Variants in CALCRL observed in about 807,000 individuals in gnomAD.
CALCRL encodes calcitonin receptor like receptor, also known as calcitonin gene-related peptide type 1 receptor.
A neutral mutation model predicts 60.4 loss-of-function variants in CALCRL; 27 were observed. The observed-to-expected ratio is 0.45, with a 90% CI of 0.33 to 0.62. The LOEUF (loss-of-function observed/expected upper bound fraction) is 0.62, where lower values mean the gene tolerates loss of function less well. CALCRL is among the 20% of genes least tolerant of loss of function. The pLI, the probability that CALCRL is intolerant of heterozygous loss-of-function variation, is 0.03. For synonymous variants in CALCRL, 190 were observed against 182.6 expected (o/e 1.04, Z -0.33); for missense variants, 424 against 540.7 (o/e 0.78, Z 2.14).
At chr2:187,404,580 C>T (rs1689035009) in intron 1 of CALCRL, among the ~76,000 whole-genome samples, 1 of 151,128 alleles carries the variant, frequency 6.6e-6, no homozygotes, top group African/African-American at 2.4e-5. Context: ...ATCCCATGCA[C>T]TGCTGGAGTA....
intron 8 of CALCRL, among the ~76,000 whole-genome samples, chr2:187,369,208 A>AT (rs1396351176): frequency 6.6e-6 from 1 of 152,032 alleles, no homozygotes. Context: ...TGGACAACTG[A>AT]TTTTCTACCA....
chr2:187,344,991 T>G lies in CALCRL; in HGVS notation c.*1193A>C, dbSNP rs548984581. ...AAAACAAATATATTCAATAAAATAG[T>G]GACCTTGTGTTTTTAAAATAAATAT... is the stretch of plus-strand genomic sequence containing the variant. On this transcript the variant is annotated 3_prime_UTR_variant, in exon 15 of 15. Transcript: ENST00000392370. 1 of 151,952 alleles carries G rather than the reference T, an allele frequency of 6.6e-6. No individual in the cohort carries two copies. Among genetic ancestry groups the G allele is most frequent in the African/African-American group, 2.4e-5 (1 of 41,522 alleles). The allele number at this position is 151,952 out of a possible 1,614,324, so 9.4% of individuals were successfully genotyped here. A position where few individuals can be genotyped will look rare whatever the true frequency, so the allele number is the denominator to read the frequency against.
intron 1 of CALCRL, chr2:187,428,501 C>A (rs534166183): frequency 6.6e-6 from 1 of 152,240 alleles, no homozygotes; most frequent in South Asian, 2.1e-4. Context: ...TGGGAGTATA[C>A]CTAATTTGAA....
At chr2:187,442,545 A>T (rs1038257217) in intron 1 of CALCRL, among the ~76,000 whole-genome samples, 3 of 151,838 alleles carry the variant, frequency 2.0e-5, no homozygotes, top group Non-Finnish European at 2.9e-5. Flanking sequence ...AAATATAATA[A>T]ATAAGAAAAT....
chr2:187,412,591 T>C lies in CALCRL; in HGVS notation c.-292-24835A>G, dbSNP rs1219283477. 3.9e-5 allele frequency among the ~76,000 whole-genome samples: 6 copies of C among 152,222 alleles called. No individual in the cohort carries two copies. In the East Asian group the frequency reaches 1.2e-3, roughly 29 times the overall value. ...CAGATCTTCATAAAATATATGCCTG[T>C]ATCTGGAATTTAAATCATAGACTAT... On this transcript the variant is annotated intron_variant, in intron 1 of 14. Transcript: ENST00000392370.
chr2:187,414,602 A>T (rs1444179635), intron 1 of CALCRL, among the ~76,000 whole-genome samples: 1 of 152,158 alleles, frequency 6.6e-6, no homozygotes, highest in Admixed American at 6.5e-5. Flanking sequence ...AATCTTGGCT[A>T]AAAAATGACA....
intron 8 of CALCRL, among the ~76,000 whole-genome samples, chr2:187,370,594 C>T (rs1199445598): frequency 6.6e-6 from 1 of 152,018 alleles, no homozygotes; most frequent in African/African-American, 2.4e-5. Flanking sequence ...GGATTTATAG[C>T]TTTATATTTT....
intron 1 of CALCRL, among the ~76,000 whole-genome samples, chr2:187,438,384 T>C (rs905348607): frequency 2.6e-5 from 4 of 152,224 alleles, no homozygotes; most frequent in Admixed American, 6.5e-5. Context: ...TCTGTATTTA[T>C]ACATCAACAC....
chr2:187,373,981 T>G (rs1687639023), intron 8 of CALCRL, among the ~76,000 whole-genome samples: 1 of 151,918 alleles, frequency 6.6e-6, no homozygotes. Flanking sequence ...GGCAATATAA[T>G]CAAACCCTAT....
chr2:187,352,359 A>C, intron 12 of CALCRL, 27 bp from the exon 13 acceptor site: 2 of 1,305,158 alleles, frequency 1.5e-6, no homozygotes, highest in Non-Finnish European at 2.2e-6. Flanking sequence ...ATGGCATCTG[A>C]AAATCATTTC....
chr2:187,370,692 T>C (rs535371924), intron 8 of CALCRL, among the ~76,000 whole-genome samples: 1 of 152,318 alleles, frequency 6.6e-6, no homozygotes, highest in South Asian at 2.1e-4. Flanking sequence ...GTAATAGCAA[T>C]GACCTTATAG....
Position 187,366,229 on chromosome 2 carries a change from G to A in CALCRL, c.501-2727C>T, listed in dbSNP as rs571655619. On this transcript the variant is annotated intron_variant, in intron 8 of 14. Coordinates refer to ENST00000392370, the MANE Select transcript of CALCRL (RefSeq NM_005795.6). The stretch of plus-strand genomic sequence containing the variant: ...CTGCAGTCCGCAGTCCGGCCTGGGC[G>A]ACAGAGCGAGACTCCGTCTCAAAAA... Among the ~76,000 whole-genome samples, 8 of 108,754 alleles carry A rather than the reference G, an allele frequency of 7.4e-5. No homozygotes were observed. In the East Asian group the frequency reaches 2.2e-3, roughly 30 times the overall value. 71.3% of individuals were successfully genotyped at this position (108,754 alleles called of 152,430 possible). A position where few individuals can be genotyped will look rare whatever the true frequency, so the allele number is the denominator to read the frequency against.
intron 1 of CALCRL, among the ~76,000 whole-genome samples, chr2:187,413,806 T>C (rs1689469550): frequency 6.6e-6 from 1 of 151,966 alleles, no homozygotes; most frequent in Admixed American, 6.6e-5. Context: ...GAAGTGAGAG[T>C]TATTTGGCAT....
At chr2:187,369,113 T>C (rs1179515160) in intron 8 of CALCRL, among the ~76,000 whole-genome samples, 1 of 152,152 alleles carries the variant, frequency 6.6e-6, no homozygotes, top group Non-Finnish European at 1.5e-5. Flanking sequence ...TCCATTATGC[T>C]CCCTCTTCCC....
chr2:187,385,524 C>CAT, intron 4 of CALCRL, 21 bp downstream of exon 4: 1 of 1,157,992 alleles, frequency 8.6e-7, no homozygotes, highest in Non-Finnish European at 1.3e-6. Flanking sequence ...CAGACATAAT[C>CAT]ATATATATTT....
intron 14 of CALCRL, among the ~76,000 whole-genome samples, chr2:187,348,850 A>G (rs1686399622): frequency 6.6e-6 from 1 of 151,726 alleles, no homozygotes; most frequent in African/African-American, 2.4e-5. Context: ...ACTTTTAATG[A>G]GAAAAAATCA....
chr2:187,436,027 T>G (rs1429523005), intron 1 of CALCRL, among the ~76,000 whole-genome samples: 1 of 152,100 alleles, frequency 6.6e-6, no homozygotes, highest in Non-Finnish European at 1.5e-5. Context: ...AACTAATCAT[T>G]CTCAGCCCAG....
chr2:187,416,654 G>T (rs1317144078), intron 1 of CALCRL, among the ~76,000 whole-genome samples: 2 of 152,028 alleles, frequency 1.3e-5, no homozygotes, highest in Non-Finnish European at 2.9e-5. Context: ...CCAAGTGTAT[G>T]GTCTGTGGTA....
At chr2:187,396,879 A>T (rs182862350) in intron 1 of CALCRL, among the ~76,000 whole-genome samples, 1 of 151,730 alleles carries the variant, frequency 6.6e-6, no homozygotes, top group Non-Finnish European at 1.5e-5. Flanking sequence ...GTAGTATCCA[A>T]CTGATATTTA....
Sources: allele counts gnomAD v4.1 joint callset (sites outside exome capture counted in the v4.1 genomes callset), GRCh38; gene constraint gnomAD v4.1.1; transcripts MANE v1.5; gene names NCBI Gene and HGNC (gene_info 2026-07-23, HGNC 2026-07-21).